The following AQR variants were observed in gnomAD, a reference collection of about 807,000 sequenced individuals.
AQR encodes RNA helicase aquarius.
In AQR, 61 loss-of-function variants were observed where a neutral mutation model predicts 180.5. The observed-to-expected ratio is 0.34, with a 90% confidence interval of 0.28 to 0.42. The LOEUF (loss-of-function observed/expected upper bound fraction) is 0.42, where lower values mean the gene tolerates loss of function less well. Among genes scored for constraint, AQR ranks in the 10% least tolerant of loss-of-function variants. AQR has a pLI of 1.00. For synonymous variants in AQR, 551 were observed against 588.8 expected (o/e 0.94, Z 0.93); for missense variants, 1,281 against 1,798.3 (o/e 0.71, Z 5.20).
At chr15:34,907,832 T>C (rs542116735) in intron 17 of AQR, among the ~76,000 whole-genome samples, 1 of 152,232 alleles carries the variant, frequency 6.6e-6, no homozygotes, top group Non-Finnish European at 1.5e-5. Context: ...AAGTCATTTA[T>C]CCTCTCCCAA....
intron 2 of AQR, among the ~76,000 whole-genome samples, chr15:34,962,948 T>C (rs1342102293): frequency 1.3e-5 from 2 of 152,150 alleles, no homozygotes; most frequent in Admixed American, 1.3e-4. Flanking sequence ...TGTTGAATGG[T>C]ATGCAGTGTC....
intron 24 of AQR, among the ~76,000 whole-genome samples, chr15:34,886,917 G>C (rs149631502): frequency 0.014 from 2,099 of 152,060 alleles, 17 homozygotes; most frequent in Non-Finnish European, 0.022. Flanking sequence ...GAGGTTAGGA[G>C]ATCGAGACCA....
At chr15:34,938,682 C>G in intron 9 of AQR, 55 bp downstream of exon 9, 1 of 1,130,922 alleles carries the variant, frequency 8.8e-7, no homozygotes, top group Non-Finnish European at 1.3e-6. Flanking sequence ...GAGTAAATAC[C>G]ATAGGGGCAG....
chr15:34,947,059 A>T (rs1299428148), intron 5 of AQR, among the ~76,000 whole-genome samples: 1 of 152,222 alleles, frequency 6.6e-6, no homozygotes, highest in Non-Finnish European at 1.5e-5. Context: ...GCGGTTTTGT[A>T]GAATAGAAAG....
At chr15:34,911,498 G>A (rs1893497933) in intron 16 of AQR, among the ~76,000 whole-genome samples, 2 of 152,104 alleles carry the variant, frequency 1.3e-5, no homozygotes, top group South Asian at 4.1e-4. Context: ...CAGGTGTGAG[G>A]TTTGAATATC....
At chr15:34,869,142 C>A (rs527258664) in intron 31 of AQR, 1 of 152,232 alleles carries the variant, frequency 6.6e-6, no homozygotes, top group African/African-American at 2.4e-5. Flanking sequence ...TCTAGAGTTT[C>A]AGTTGTTGTA....
intron 9 of AQR, among the ~76,000 whole-genome samples, chr15:34,938,042 C>G (rs1417120104): frequency 6.6e-6 from 1 of 151,920 alleles, no homozygotes; most frequent in Non-Finnish European, 1.5e-5. Context: ...TAATATTTCT[C>G]CTTTTTTCCT....
In AQR at chr15:34,896,926, G is replaced by T; in HGVS notation, c.2431C>A (p.Arg811Ser). ...GTCAGCCCAGGCTGCATTCCAGCACGGATGGCTTCTATCTGTGTATGAGTG... is the reference window on the plus strand; with the variant it reads ...GTCAGCCCAGGCTGCATTCCAGCACTGATGGCTTCTATCTGTGTATGAGTG... Reference protein sequence around the residue: ...QFTHTQIEAIRAGMQPGLTMV... With the variant: ...QFTHTQIEAISAGMQPGLTMV... The change falls in exon 22 of 35, where the codon CGT (arginine) becomes AGT (serine). Residue 811 changes from arginine (R) to serine (S), a missense_variant. Arg to Ser is a moderately radical substitution (Grantham distance 110). Coordinates refer to ENST00000156471, the MANE Select transcript of AQR (RefSeq NM_014691.3). The T allele has an allele frequency of 2.5e-6, 4 of 1,613,340 alleles. No individual in the cohort carries two copies. Among genetic ancestry groups the T allele is most frequent in the Non-Finnish European group, 3.4e-6 (4 of 1,179,276 alleles).
At chr15:34,891,740 G>A (rs919001055) in intron 23 of AQR, among the ~76,000 whole-genome samples, 2 of 150,834 alleles carry the variant, frequency 1.3e-5, no homozygotes, top group Non-Finnish European at 3.0e-5. Context: ...TTTATAAACA[G>A]AAGAAAAAAA....
rs562866460 is a variant in AQR, at chr15:34,915,271, A to G, written c.1343-92T>C. 2.4e-4 allele frequency: 299 copies of G among 1,228,432 alleles called. 1 individual carries two copies. In the African/African-American group the frequency reaches 4.3e-3, roughly 17 times the overall value. 76.1% of individuals were successfully genotyped at this position (1,228,432 alleles called of 1,614,324 possible). A position where few individuals can be genotyped will look rare whatever the true frequency, so the allele number is the denominator to read the frequency against. On this transcript the variant is annotated intron_variant, in intron 15 of 34. Transcript: ENST00000156471. ...ACCTGCACAATCTCGTCTCACTGCA[A>G]CCTCCGCCTCCCAGATTCAAGCCAT...
chr15:34,942,184 T>C, intron 6 of AQR, 104 bp from the exon 7 acceptor site: 1 of 639,788 alleles, frequency 1.6e-6, no homozygotes, highest in Admixed American at 3.3e-5. Flanking sequence ...AGGGAAAACA[T>C]GCCACAAATA....
intron 19 of AQR, 52 bp from the exon 20 acceptor site, chr15:34,900,915 T>G (rs1322359316): frequency 6.5e-7 from 1 of 1,528,006 alleles, no homozygotes; most frequent in South Asian, 1.3e-5. Flanking sequence ...TCTCCAACAT[T>G]TGCACTTACT....
intron 5 of AQR, among the ~76,000 whole-genome samples, chr15:34,947,538 AAAAT>A (rs1441904237): frequency 4.7e-5 from 7 of 147,514 alleles, no homozygotes; most frequent in African/African-American, 1.0e-4. Context: ...TAATAATAAT[AAAAT>A]AAATAAAAAT....
At chr15:34,943,252 A>G in intron 6 of AQR, 1 of 1,605,654 alleles carries the variant, frequency 6.2e-7, no homozygotes, top group Non-Finnish European at 8.5e-7. Context: ...ATTTTCTGGA[A>G]AAAGGCTAAA....
At chr15:34,934,736 T>C (rs1893921180) in intron 9 of AQR, 101 bp from the exon 10 acceptor site, 4 of 650,504 alleles carry the variant, frequency 6.1e-6, no homozygotes, top group African/African-American at 1.9e-5. Flanking sequence ...ATAAAGTCAA[T>C]TGTCTTTTAT....
chr15:34,955,561 T>C (rs576749031), intron 3 of AQR, among the ~76,000 whole-genome samples: 2 of 152,156 alleles, frequency 1.3e-5, no homozygotes, highest in African/African-American at 2.4e-5. Flanking sequence ...AGCTACCTAC[T>C]TCCAGATCTG....
Position 34,882,517 on chromosome 15 carries a change from G to A in AQR, c.3150C>T (p.Val1050=), listed in dbSNP as rs17237242. The A allele has an allele frequency of 0.02, 31,595 of 1,558,512 alleles. 394 individuals carry two copies. Among genetic ancestry groups the A allele is most frequent in the Middle Eastern group, 0.033 (194 of 5,814 alleles). ...THAALKRHDL[V]KLGFKYDNIL... ...AAGTCTTTACCTTGAAACCTAGCTT[G>A]ACCAAGTCATGTCGTTTTAAGGCAG... Residue 1050 remains valine, a synonymous_variant, in exon 27 of 35, where the codon GTC becomes GTT. Transcript: ENST00000156471.
chr15:34,892,060 CTCAAAGACTGG>C (rs1247433583), intron 23 of AQR, among the ~76,000 whole-genome samples: 1 of 152,138 alleles, frequency 6.6e-6, no homozygotes, highest in Admixed American at 6.5e-5. Context: ...TATATACCAA[CTCAAAGACTGG>C]TCAACTGAAG....
intron 3 of AQR, among the ~76,000 whole-genome samples, chr15:34,960,328 T>G (rs556606195): frequency 6.6e-6 from 1 of 152,232 alleles, no homozygotes; most frequent in Non-Finnish European, 1.5e-5. Context: ...AAAAGATGAT[T>G]TATTGAAACT....
Sources: allele counts gnomAD v4.1 joint callset (sites outside exome capture counted in the v4.1 genomes callset), GRCh38; gene constraint gnomAD v4.1.1; transcripts MANE v1.5; gene names NCBI Gene and HGNC (gene_info 2026-07-23, HGNC 2026-07-21).